XYLT1: variants seen among roughly 807,000 people sequenced by gnomAD.
The protein encoded by XYLT1 is xylosyltransferase 1.
A neutral mutation model predicts 91.3 loss-of-function variants in XYLT1; 36 were observed. The ratio of observed to expected loss-of-function variants is 0.39; its 90% CI spans 0.30 to 0.52. The LOEUF (loss-of-function observed/expected upper bound fraction) is 0.52, where lower values mean the gene tolerates loss of function less well. XYLT1 is among the 20% of genes least tolerant of loss of function. XYLT1 has a pLI of 0.68. For synonymous variants in XYLT1, 588 were observed against 532.0 expected (o/e 1.11, Z -1.45); for missense variants, 1,242 against 1,284.5 (o/e 0.97, Z 0.51).
chr16:17,166,046 G>C (rs1277803049), intron 5 of XYLT1, among the ~76,000 whole-genome samples: 4 of 152,268 alleles, frequency 2.6e-5, no homozygotes, highest in Non-Finnish European at 4.4e-5. Flanking sequence ...GTCTTGCAGA[G>C]CTGGCAGGCT....
intron 2 of XYLT1, among the ~76,000 whole-genome samples, chr16:17,342,028 C>G (rs1256369529): frequency 6.6e-6 from 1 of 152,218 alleles, no homozygotes; most frequent in African/African-American, 2.4e-5. Context: ...TTTTCCAAGG[C>G]AAGGCCATGT....
chr16:17,318,008 C>T (rs533844026), intron 2 of XYLT1, among the ~76,000 whole-genome samples: 1 of 152,308 alleles, frequency 6.6e-6, no homozygotes, highest in South Asian at 2.1e-4. Flanking sequence ...CGTCTTGTCA[C>T]CCTGTTTAAC....
chr16:17,365,613 TTC>T (rs2035445084), intron 1 of XYLT1, among the ~76,000 whole-genome samples: 1 of 152,168 alleles, frequency 6.6e-6, no homozygotes, highest in East Asian at 1.9e-4. Flanking sequence ...CGCGCTCTCT[TTC>T]TCTCTTTTGT....
intron 1 of XYLT1, among the ~76,000 whole-genome samples, chr16:17,379,817 C>A (rs974940875): frequency 2.0e-5 from 3 of 151,078 alleles, no homozygotes; most frequent in Non-Finnish European, 4.4e-5. Flanking sequence ...GAGAGCCAGA[C>A]ATTCACTCTC....
intron 3 of XYLT1, among the ~76,000 whole-genome samples, chr16:17,205,621 G>A (rs1266592065): frequency 6.6e-6 from 1 of 152,136 alleles, no homozygotes; most frequent in Non-Finnish European, 1.5e-5. Flanking sequence ...ATTTCTATGT[G>A]GCTGCTCATC....
At chr16:17,179,184 T>A (rs2032010966) in intron 5 of XYLT1, among the ~76,000 whole-genome samples, 1 of 152,036 alleles carries the variant, frequency 6.6e-6, no homozygotes, top group African/African-American at 2.4e-5. Flanking sequence ...GAGCTAAACA[T>A]TGAGTACACA....
chr16:17,187,784 A>G (rs947642915), intron 5 of XYLT1, among the ~76,000 whole-genome samples: 5 of 151,564 alleles, frequency 3.3e-5, no homozygotes, highest in Non-Finnish European at 7.4e-5. Flanking sequence ...ACCATATTTT[A>G]TCACTTTAAA....
intron 6 of XYLT1, among the ~76,000 whole-genome samples, chr16:17,156,030 C>T (rs1332119589): frequency 3.3e-5 from 5 of 152,174 alleles, no homozygotes; most frequent in Non-Finnish European, 5.9e-5. Context: ...ATTTACTATG[C>T]CAAATGCTGT....
intron 1 of XYLT1, among the ~76,000 whole-genome samples, chr16:17,381,646 T>C (rs2035682329): frequency 6.6e-6 from 1 of 152,070 alleles, no homozygotes; most frequent in South Asian, 2.1e-4. Context: ...AGGCTGGTCT[T>C]GAACTCCTGA....
At position 17,315,443 on chromosome 16, in the gene XYLT1, C is replaced by A. The variant is rs537147007; in HGVS notation, c.402+42569G>T. Reference sequence around the variant, plus strand: ...AAACCCCTATCACAAGTAGAGAATTCTCGCTCCCCTAACTCTCAATTCTAG... The same window carrying A: ...AAACCCCTATCACAAGTAGAGAATTATCGCTCCCCTAACTCTCAATTCTAG... On this transcript the variant is annotated intron_variant, in intron 2 of 11. Coordinates refer to ENST00000261381, the MANE Select transcript of XYLT1 (RefSeq NM_022166.4). Among the ~76,000 whole-genome samples the A allele has an allele frequency of 3.9e-5, 6 of 152,332 alleles. No individual in the cohort carries two copies. The South Asian group carries it at 1.2e-3, about 32-fold the overall frequency.
intron 1 of XYLT1, among the ~76,000 whole-genome samples, chr16:17,435,928 G>T (rs2036453491): frequency 6.6e-6 from 1 of 152,170 alleles, no homozygotes. Context: ...CACTGATATG[G>T]TTTGGCTGTG....
At chr16:17,296,039 CCTT>C (rs896264041) in intron 2 of XYLT1, among the ~76,000 whole-genome samples, 1 of 126,946 alleles carries the variant, frequency 7.9e-6, no homozygotes, top group Non-Finnish European at 1.6e-5. Flanking sequence ...AGAAAAGACA[CCTT>C]TTTTTTTTTT....
At chr16:17,205,367 T>C (rs1424127990) in intron 3 of XYLT1, among the ~76,000 whole-genome samples, 2 of 152,244 alleles carry the variant, frequency 1.3e-5, no homozygotes, top group African/African-American at 4.8e-5. Flanking sequence ...ATGTTAGCAG[T>C]GTCCTGCAAT....
chr16:17,248,420 C>T (rs913248357), intron 3 of XYLT1, among the ~76,000 whole-genome samples: 1 of 152,212 alleles, frequency 6.6e-6, no homozygotes, highest in African/African-American at 2.4e-5. Flanking sequence ...CAGTTCAGTA[C>T]TGAGAGATGC....
At chr16:17,141,499 G>A (rs955458962) in intron 6 of XYLT1, 130 bp from the exon 7 acceptor site, 10 of 841,964 alleles carry the variant, frequency 1.2e-5, no homozygotes, top group African/African-American at 5.1e-5. Context: ...GCCAGGTACT[G>A]CTCCAGGGCT....
intron 2 of XYLT1, among the ~76,000 whole-genome samples, chr16:17,296,079 G>A (rs1000498294): frequency 6.6e-6 from 1 of 151,380 alleles, no homozygotes; most frequent in African/African-American, 2.4e-5. Context: ...AGCACACAGT[G>A]GAACTCCTGG....
intron 2 of XYLT1, among the ~76,000 whole-genome samples, chr16:17,350,286 A>AT (rs1211497868): frequency 3.9e-5 from 6 of 152,210 alleles, no homozygotes; most frequent in African/African-American, 1.4e-4. Context: ...AACACGATCT[A>AT]TTTTTTGAAA....
chr16:17,463,167 C>T (rs1207919254), intron 1 of XYLT1, among the ~76,000 whole-genome samples: 3 of 151,350 alleles, frequency 2.0e-5, no homozygotes, highest in Non-Finnish European at 4.4e-5. Context: ...GGACGCTGAG[C>T]AAGAATTTTT....
chr16:17,235,817 C>T (rs1220045968), intron 3 of XYLT1, among the ~76,000 whole-genome samples: 1 of 152,164 alleles, frequency 6.6e-6, no homozygotes, highest in Non-Finnish European at 1.5e-5. Flanking sequence ...CTAAGGGCAA[C>T]CATCCCTAGC....
Sources: gnomAD v4.1 joint callset for allele counts (sites outside exome capture counted in the v4.1 genomes callset) on GRCh38, gnomAD v4.1.1 for gene constraint, MANE v1.5 for transcripts, NCBI Gene and HGNC (gene_info 2026-07-23, HGNC 2026-07-21) for gene names.